NR1H3: variants seen among roughly 807,000 people sequenced by gnomAD.
The protein encoded by NR1H3 is nuclear receptor subfamily 1 group H member 3.
Under a neutral mutation model 48.1 loss-of-function variants are expected in NR1H3, and 19 were observed. The observed-to-expected ratio is 0.40, with a 90% CI of 0.28 to 0.58. The LOEUF (loss-of-function observed/expected upper bound fraction) is 0.58, where lower values mean the gene tolerates loss of function less well. Among genes scored for constraint, NR1H3 ranks in the 20% least tolerant of loss-of-function variants. NR1H3 has a pLI of 0.50. For missense variants in NR1H3, 486 were observed against 595.9 expected, an observed-to-expected ratio of 0.82 and a Z score of 1.92; for synonymous variants, 232 against 227.3, an observed-to-expected ratio of 1.02 and a Z score of -0.19.
chr11:47,268,731 G>T lies in NR1H3; in HGVS notation c.*35G>T, dbSNP rs767582945. ...CCCCATATTTTCTGTTTTCTTGGCCGGATGGCTGAGGCCTGGTGGCTGCCT... is the reference window on the plus strand; with the variant it reads ...CCCCATATTTTCTGTTTTCTTGGCCTGATGGCTGAGGCCTGGTGGCTGCCT... On this transcript the variant is annotated 3_prime_UTR_variant, in exon 10 of 10. Coordinates refer to ENST00000441012, the MANE Select transcript of NR1H3 (RefSeq NM_005693.4). 1 of 1,604,396 alleles carries T rather than the reference G, an allele frequency of 6.2e-7. No individual in the cohort carries two copies. Among genetic ancestry groups the T allele is most frequent in the South Asian group, 1.1e-5 (1 of 90,316 alleles).
At chr11:47,265,250 G>A (rs1324466763) in intron 7 of NR1H3, among the ~76,000 whole-genome samples, 2 of 151,944 alleles carry the variant, frequency 1.3e-5, no homozygotes, top group African/African-American at 4.8e-5. Context: ...CTGAGATCGC[G>A]CCACTGCACT....
Position 47,268,368 on chromosome 11 carries a change from A to G in NR1H3, c.1197+13A>G, listed in dbSNP as rs772645320. 3 of 1,612,948 alleles carry G rather than the reference A, an allele frequency of 1.9e-6. No individual in the cohort carries two copies. Among genetic ancestry groups the G allele is most frequent in the South Asian group, 2.2e-5 (2 of 91,054 alleles). ...CCACCATCCCCATGTGAGTCTCCCCATGGTGTTCCTTTTCCTCCTTCCCAC... is the reference window on the plus strand; with the variant it reads ...CCACCATCCCCATGTGAGTCTCCCCGTGGTGTTCCTTTTCCTCCTTCCCAC... On this transcript the variant is annotated intron_variant, in intron 9 of 9. Transcript: ENST00000441012.
chr11:47,260,719 AG>A, intron 4 of NR1H3, 44 bp downstream of exon 4: 1 of 1,544,372 alleles, frequency 6.5e-7, no homozygotes, highest in Non-Finnish European at 8.7e-7. Context: ...GAGGGGAAAG[AG>A]GGGGCCAGGG....
At chr11:47,253,122 C>CTAATTTT (rs2135571516), upstream of NR1H3, among the ~76,000 whole-genome samples, 1 of 75,524 alleles carries the variant, frequency 1.3e-5, no homozygotes, top group Non-Finnish European at 2.4e-5. Context: ...CCACGCCTGG[C>CTAATTTT]TAATTTTTGT....
intron 7 of NR1H3, among the ~76,000 whole-genome samples, chr11:47,267,310 GA>G (rs1156846357): frequency 6.6e-6 from 1 of 151,482 alleles, no homozygotes; most frequent in Non-Finnish European, 1.5e-5. Flanking sequence ...CTGTCTCAAA[GA>G]AAAAAAACAA....
chr11:47,259,465 G>A (rs1955589905), intron 2 of NR1H3: 1 of 1,550,484 alleles, frequency 6.4e-7, no homozygotes, highest in African/African-American at 1.4e-5. Flanking sequence ...GTCCTCCCCA[G>A]TCTGGATTTG....
At chr11:47,253,174 G>A (rs545810000), upstream of NR1H3, among the ~76,000 whole-genome samples, 89 of 107,076 alleles carry the variant, frequency 8.3e-4, no homozygotes, top group Non-Finnish European at 1.2e-3. Flanking sequence ...TCGCCATGTT[G>A]CCTAGGCTAG....
chr11:47,249,061 A>C, intron 1 of NR1H3: 5 of 1,414,912 alleles, frequency 3.5e-6, no homozygotes, highest in Non-Finnish European at 4.6e-6. Flanking sequence ...GAAGGCCACA[A>C]ATTCGCGTTT....
chr11:47,261,845 G>A (rs757687756), intron 6 of NR1H3, 74 bp from the exon 7 acceptor site: 11 of 1,595,346 alleles, frequency 6.9e-6, no homozygotes, highest in East Asian at 2.2e-5. Context: ...GAGGAGAATC[G>A]GCCTCCCTGG....
intron 1 of NR1H3, chr11:47,250,625 A>C (rs1954570292): frequency 6.6e-6 from 1 of 152,220 alleles, no homozygotes. Context: ...TATGAATCAC[A>C]TGAAAATTTT....
upstream of NR1H3, among the ~76,000 whole-genome samples, chr11:47,256,800 G>A (rs534116147): frequency 8.8e-5 from 13 of 148,088 alleles, no homozygotes; most frequent in South Asian, 2.1e-3. Flanking sequence ...GCGCAATCTC[G>A]GCTCACTGCA....
At chr11:47,266,923 G>C (rs1215050863) in intron 7 of NR1H3, among the ~76,000 whole-genome samples, 3 of 152,002 alleles carry the variant, frequency 2.0e-5, no homozygotes, top group African/African-American at 7.2e-5. Context: ...TTACAGGCAT[G>C]AACCGCCGTG....
At chr11:47,267,653 C>T (rs1956833858) in intron 7 of NR1H3, among the ~76,000 whole-genome samples, 1 of 152,160 alleles carries the variant, frequency 6.6e-6, no homozygotes, top group African/African-American at 2.4e-5. Context: ...GGATTACAGG[C>T]ACCTGCCACC....
intron 2 of NR1H3, 78 bp downstream of exon 2, chr11:47,259,337 T>C (rs1955567799): frequency 1.2e-6 from 2 of 1,606,902 alleles, no homozygotes; most frequent in South Asian, 2.2e-5. Flanking sequence ...CCTCCTTCAT[T>C]ACCTGCCTTC....
chr11:47,268,094 A>G, intron 8 of NR1H3, 68 bp downstream of exon 8: 1 of 1,061,902 alleles, frequency 9.4e-7, no homozygotes, highest in Non-Finnish European at 1.4e-6. Flanking sequence ...TCCCACAGGA[A>G]TCGGTGGGGG....
chr11:47,268,718 T>G lies in NR1H3; in HGVS notation c.*22T>G. 3.7e-6 allele frequency: 6 copies of G among 1,609,404 alleles called. No homozygotes were observed. The highest frequency in any genetic ancestry group is 5.1e-6 in the Non-Finnish European group (6 of 1,176,876). On this transcript the variant is annotated 3_prime_UTR_variant, in exon 10 of 10. Coordinates refer to ENST00000441012, the MANE Select transcript of NR1H3 (RefSeq NM_005693.4). ...ATGACTGTTCTGTCCCCATATTTTC[T>G]GTTTTCTTGGCCGGATGGCTGAGGC... is the stretch of plus-strand genomic sequence containing the variant.
chr11:47,260,479 T>G lies in NR1H3; in HGVS notation c.303T>G (p.Cys101Trp). 1 of 1,614,232 alleles carries G rather than the reference T, an allele frequency of 6.2e-7. No homozygotes were observed. Among genetic ancestry groups the G allele is most frequent in the Non-Finnish European group, 8.5e-7 (1 of 1,180,038 alleles). The change falls in exon 4 of 10, where the codon TGT (cysteine) becomes TGG (tryptophan). Residue 101 changes from cysteine to tryptophan, a missense_variant. By Grantham distance (215) the Cys-to-Trp change is radical (BLOSUM62 -2). Coordinates refer to ENST00000441012, the MANE Select transcript of NR1H3 (RefSeq NM_005693.4). ...KMLGNELCSV[C>W]GDKASGFHYN... ...TGGGGAACGAGCTATGCAGCGTGTG[T>G]GGGGACAAGGCCTCGGGCTTCCACT...
chr11:47,248,984 G>A (rs549950074), exon 1 of NR1H3: 2 of 1,510,062 alleles, frequency 1.3e-6, no homozygotes, highest in East Asian at 2.5e-5. Context: ...TGGCTGTGGC[G>A]GAGGAGCATA....
chr11:47,248,944 G>C (rs753075521), exon 1 of NR1H3: 21 of 1,533,054 alleles, frequency 1.4e-5, no homozygotes, highest in Non-Finnish European at 1.7e-5. Flanking sequence ...GCGCAGTCTC[G>C]GTGGGATTGC....
Sources: gnomAD v4.1 joint callset for allele counts (sites outside exome capture counted in the v4.1 genomes callset) on GRCh38, gnomAD v4.1.1 for gene constraint, MANE v1.5 for transcripts, NCBI Gene and HGNC (gene_info 2026-07-23, HGNC 2026-07-21) for gene names.